ADGRE1: variants seen among roughly 807,000 people sequenced by gnomAD.
ADGRE1 encodes EGF-like module receptor 1.
A neutral mutation model predicts 102.7 loss-of-function variants in ADGRE1; 82 were observed. The ratio of observed to expected loss-of-function variants is 0.80; its 90% CI spans 0.67 to 0.96. The LOEUF is 0.96. Among genes scored for constraint, ADGRE1 ranks in the 40% least tolerant of loss-of-function variants. The probability of loss-of-function intolerance (pLI) is 0.00; values close to 1 mark genes in which losing one functional copy is unlikely to be tolerated. For missense variants in ADGRE1, 1,032 were observed against 1,085.3 expected (o/e 0.95, Z 0.69); for synonymous variants, 398 against 399.6 (o/e 1.00, Z 0.05).
chr19:6,897,524 T>C lies in ADGRE1; in HGVS notation c.491T>C (p.Ile164Thr), dbSNP rs988224260. The change falls in exon 5 of 21, where the codon ATC (isoleucine) becomes ACC (threonine). Residue 164 changes from isoleucine to threonine, a missense_variant. Ile to Thr is a moderately conservative substitution (Grantham distance 89). Coordinates refer to ENST00000312053, the MANE Select transcript of ADGRE1 (RefSeq NM_001974.5). ...SYSCSCQVGF[I>T]SRNSTCEDVD... Reference sequence around the variant, plus strand: ...AGTTGCAGCTGTCAAGTTGGATTCATCTCTAGAAACTCCACCTGTGAAGGT... The same window carrying C: ...AGTTGCAGCTGTCAAGTTGGATTCACCTCTAGAAACTCCACCTGTGAAGGT... The C allele has an allele frequency of 6.3e-7, 1 of 1,580,230 alleles. No homozygotes were observed. The highest frequency in any genetic ancestry group is 8.6e-7 in the Non-Finnish European group (1 of 1,168,096).
chr19:6,896,525 A>G lies in ADGRE1; in HGVS notation c.222A>G (p.Pro74=). Residue 74 remains proline (P), a synonymous_variant, in exon 3 of 21, where the codon CCA becomes CCG. Coordinates refer to ENST00000312053, the MANE Select transcript of ADGRE1 (RefSeq NM_001974.5). ...SSNGQNHFKD[P]GVRCKDIDEC... ...ATGGGCAAAATCACTTCAAGGATCCAGGAGTGCGATGCAAAGGTGAGTTCA... is the reference window on the plus strand; with the variant it reads ...ATGGGCAAAATCACTTCAAGGATCCGGGAGTGCGATGCAAAGGTGAGTTCA... The G allele has an allele frequency of 1.9e-6, 3 of 1,614,098 alleles. No homozygotes were observed. Among genetic ancestry groups the G allele is most frequent in the Non-Finnish European group, 2.5e-6 (3 of 1,179,968 alleles).
chr19:6,902,362 T>A (rs1207040130), intron 6 of ADGRE1, among the ~76,000 whole-genome samples: 1 of 152,106 alleles, frequency 6.6e-6, no homozygotes. Context: ...ACCCAGAATG[T>A]CCATGTTCTC....
At chr19:6,899,704 A>G (rs1232409484) in intron 5 of ADGRE1, among the ~76,000 whole-genome samples, 2 of 151,890 alleles carry the variant, frequency 1.3e-5, no homozygotes, top group African/African-American at 4.8e-5. Flanking sequence ...CCCAACAACA[A>G]GAAGAACAAA....
Position 6,904,158 on chromosome 19 carries a change from A to C in ADGRE1, c.925A>C (p.Lys309Gln), listed in dbSNP as rs1236377174. Residue 309 changes from lysine (K) to glutamine (Q), a missense_variant, in exon 8 of 21, where the codon AAA (lysine) becomes CAA (glutamine). By Grantham distance (53) the Lys-to-Gln change is moderately conservative. Coordinates refer to ENST00000312053, the MANE Select transcript of ADGRE1 (RefSeq NM_001974.5). ...GFHPNPEGSQ[K>Q]DGNFSCQRVL... ...TCATCCCAATCCAGAAGGCTCCCAG[A>C]AAGATGGCAACTTCAGCTGCCAAAG... 1.9e-6 allele frequency: 3 copies of C among 1,614,140 alleles called. No individual in the cohort carries two copies. In the East Asian group the frequency reaches 6.7e-5, roughly 36 times the overall value.
At chr19:6,907,051 A>T (rs886577652) in intron 9 of ADGRE1, among the ~76,000 whole-genome samples, 1 of 152,166 alleles carries the variant, frequency 6.6e-6, no homozygotes, top group Non-Finnish European at 1.5e-5. Flanking sequence ...GGGGTGTTAC[A>T]CAGCCAGCCA....
chr19:6,913,845 T>A lies in ADGRE1; in HGVS notation c.1300+15T>A. The stretch of plus-strand genomic sequence containing the variant: ...GGAATACTTAGGTAGGAGACACCCT[T>A]TGTGGCAAGGTTACACCTAGGGGAT... On this transcript the variant is annotated intron_variant, in intron 11 of 20. Coordinates refer to ENST00000312053, the MANE Select transcript of ADGRE1 (RefSeq NM_001974.5). 6.4e-7 allele frequency: 1 copy of A among 1,558,418 alleles called. No individual in the cohort carries two copies. Among genetic ancestry groups the A allele is most frequent in the Non-Finnish European group, 8.7e-7 (1 of 1,145,938 alleles).
chr19:6,939,940 T>A (rs1339639814), intron 20 of ADGRE1, 84 bp from the exon 21 acceptor site: 1 of 1,419,894 alleles, frequency 7.0e-7, no homozygotes, highest in Non-Finnish European at 9.9e-7. Context: ...TTTTAATACT[T>A]CTGTCCCTGT....
At chr19:6,895,745 AT>A (rs2144889492) in intron 2 of ADGRE1, 1 of 152,348 alleles carries the variant, frequency 6.6e-6, no homozygotes, top group African/African-American at 2.4e-5. Context: ...TCTTGTTCAA[AT>A]GCAGATTCTG....
intron 2 of ADGRE1, 165 bp from the exon 3 acceptor site, chr19:6,896,233 A>G (rs2144890734): frequency 1.6e-6 from 1 of 628,350 alleles, no homozygotes; most frequent in East Asian, 2.8e-5. Context: ...CAGTTTCCAA[A>G]TAAGATGAAA....
At chr19:6,921,589 C>T (rs1285284610) in intron 13 of ADGRE1, 124 bp from the exon 14 acceptor site, 5 of 1,129,340 alleles carry the variant, frequency 4.4e-6, no homozygotes, top group Non-Finnish European at 6.0e-6. Context: ...GCATTTTTCC[C>T]CATTCCCTCA....
At chr19:6,935,229 C>T (rs1202679881) in intron 18 of ADGRE1, 151 bp downstream of exon 18, 7 of 441,074 alleles carry the variant, frequency 1.6e-5, no homozygotes, top group African/African-American at 8.1e-5. Flanking sequence ...GATCTGGAGG[C>T]TTAAAGTCCA....
At chr19:6,907,650 T>C (rs1341911131) in intron 9 of ADGRE1, among the ~76,000 whole-genome samples, 1 of 152,114 alleles carries the variant, frequency 6.6e-6, no homozygotes, top group Non-Finnish European at 1.5e-5. Context: ...AGTTCTGGAA[T>C]ATTTTTATCA....
intron 5 of ADGRE1, among the ~76,000 whole-genome samples, chr19:6,898,975 G>C (rs1384575203): frequency 6.6e-6 from 1 of 152,040 alleles, no homozygotes; most frequent in Non-Finnish European, 1.5e-5. Flanking sequence ...GGCCATTTCT[G>C]TTCAAGGTTA....
chr19:6,938,111 C>T (rs984665393), intron 20 of ADGRE1, among the ~76,000 whole-genome samples: 8 of 152,000 alleles, frequency 5.3e-5, no homozygotes, highest in South Asian at 2.1e-4. Flanking sequence ...CTAAGGTGGG[C>T]AGATTACCTG....
chr19:6,897,623 AG>A, intron 5 of ADGRE1, 76 bp downstream of exon 5: 2 of 1,413,448 alleles, frequency 1.4e-6, no homozygotes. Context: ...CATATGAGAA[AG>A]GGATTTTCTC....
In ADGRE1 at chr19:6,901,996, C is replaced by T; in HGVS notation, c.636C>T (p.Phe212=). Residue 212 remains phenylalanine, a synonymous_variant, in exon 6 of 21, where the codon TTC becomes TTT. Coordinates refer to ENST00000312053, the MANE Select transcript of ADGRE1 (RefSeq NM_001974.5). Reference sequence around the variant, plus strand: ...AATCCAGCAGTGGCCACTTGAGTTTCCAGGGTCTCAAAGCATCGTGTGAAG... The same window carrying T: ...AATCCAGCAGTGGCCACTTGAGTTTTCAGGGTCTCAAAGCATCGTGTGAAG... ...GFESSSGHLS[F]QGLKASCEDI... 6.2e-7 allele frequency: 1 copy of T among 1,614,142 alleles called. No homozygotes were observed.
At position 6,940,373 on chromosome 19, in the gene ADGRE1, C is replaced by T; in HGVS notation, c.*344C>T. 2.9e-6 allele frequency: 1 copy of T among 350,610 alleles called. No homozygotes were observed. Among genetic ancestry groups the T allele is most frequent in the Non-Finnish European group, 5.2e-6 (1 of 190,656 alleles). The allele number at this position is 350,610 out of a possible 1,614,324, so 21.7% of individuals were successfully genotyped here. A position where few individuals can be genotyped will look rare whatever the true frequency, so the allele number is the denominator to read the frequency against. On this transcript the variant is annotated 3_prime_UTR_variant, in exon 21 of 21. Coordinates refer to ENST00000312053, the MANE Select transcript of ADGRE1 (RefSeq NM_001974.5). ...GTTGGTGCATGGTTCTAAGCATGCC[C>T]CTCCAGAGCCTATCATACGCCTGAT...
chr19:6,893,200 A>C (rs1423467402), intron 2 of ADGRE1, among the ~76,000 whole-genome samples: 2 of 151,360 alleles, frequency 1.3e-5, no homozygotes, highest in African/African-American at 2.4e-5. Context: ...TTCTTTTTTT[A>C]TTTTTTATTT....
At chr19:6,938,182 A>G (rs1161940984) in intron 20 of ADGRE1, among the ~76,000 whole-genome samples, 5 of 152,180 alleles carry the variant, frequency 3.3e-5, no homozygotes, top group Middle Eastern at 3.4e-3. Context: ...TATTAAAAAT[A>G]CAAAATTAGC....
Sources: gnomAD v4.1 joint callset for allele counts (sites outside exome capture counted in the v4.1 genomes callset) on GRCh38, gnomAD v4.1.1 for gene constraint, MANE v1.5 for transcripts, NCBI Gene and HGNC (gene_info 2026-07-23, HGNC 2026-07-21) for gene names.